The following SGCD variants were observed in gnomAD, a reference collection of about 807,000 sequenced individuals.
SGCD encodes delta-sarcoglycan.
A neutral mutation model predicts 36.6 loss-of-function variants in SGCD; 18 were observed. That is an observed-to-expected ratio of 0.49 (90% CI 0.34 to 0.73). SGCD has a LOEUF of 0.73. SGCD is among the 30% of genes least tolerant of loss of function. The pLI, the probability that SGCD is intolerant of heterozygous loss-of-function variation, is 0.01. For missense variants in SGCD, 387 were observed against 346.7 expected, an observed-to-expected ratio of 1.12 and a Z score of -0.92; for synonymous variants, 133 against 130.6, an observed-to-expected ratio of 1.02 and a Z score of -0.12.
At position 156,026,853 on chromosome 5, in the gene SGCD, A is replaced by G. The variant is rs1306672859; in HGVS notation, c.-281-91025A>G. ...CTTTTTATGAAGGGCCAAATAGTAAATATCTATTAGACATTGCCAGCTATG... is the reference window on the plus strand; with the variant it reads ...CTTTTTATGAAGGGCCAAATAGTAAGTATCTATTAGACATTGCCAGCTATG... On this transcript the variant is annotated intron_variant, in intron 1 of 9. Transcript: ENST00000517913. Among the ~76,000 whole-genome samples, 10 of 152,246 alleles carry G rather than the reference A, an allele frequency of 6.6e-5. No individual in the cohort carries two copies. The South Asian group carries it at 2.1e-3, about 32-fold the overall frequency.
intron 1 of SGCD, among the ~76,000 whole-genome samples, chr5:155,890,819 C>T (rs895411441): frequency 5.3e-5 from 8 of 152,068 alleles, no homozygotes; most frequent in South Asian, 2.1e-4. Flanking sequence ...TACGTTTTCC[C>T]GTCTTTGCAT....
intron 3 of SGCD, among the ~76,000 whole-genome samples, chr5:156,504,049 C>T (rs1756578105): frequency 6.6e-6 from 1 of 151,646 alleles, no homozygotes; most frequent in African/African-American, 2.4e-5. Context: ...ACTAAGAATG[C>T]AAAAATTAGC....
intron 6 of SGCD, among the ~76,000 whole-genome samples, chr5:156,631,475 T>C (rs1417982276): frequency 1.3e-5 from 2 of 150,926 alleles, no homozygotes; most frequent in Non-Finnish European, 3.0e-5. Flanking sequence ...TTTTTTTTTT[T>C]TAAAAAAAAG....
At chr5:155,873,759 A>G (rs1755707112) in intron 1 of SGCD, among the ~76,000 whole-genome samples, 1 of 152,160 alleles carries the variant, frequency 6.6e-6, no homozygotes, top group African/African-American at 2.4e-5. Flanking sequence ...TCAAAAAGTT[A>G]AAAAAGCATA....
rs1757514072 is a variant in SGCD at position 156,762,355 on chromosome 5, G to A, written c.*2965G>A. 1 of 152,498 alleles carries A rather than the reference G, an allele frequency of 6.6e-6. No individual in the cohort carries two copies. Among genetic ancestry groups the A allele is most frequent in the South Asian group, 2.1e-4 (1 of 4,818 alleles). 9.4% of individuals were successfully genotyped at this position (152,498 alleles called of 1,614,324 possible). A position where few individuals can be genotyped will look rare whatever the true frequency, so the allele number is the denominator to read the frequency against. ...ATATGTTCAACATTTACTTCTATTT[G>A]ATATCTGCTCAAGAAGTCATAGAAG... On this transcript the variant is annotated 3_prime_UTR_variant, in exon 9 of 9. Coordinates refer to ENST00000337851, the MANE Select transcript of SGCD (RefSeq NM_000337.6).
At chr5:155,762,888 C>G in the SGCD span, among the ~76,000 whole-genome samples, 1 of 152,064 alleles carries the variant, frequency 6.6e-6, no homozygotes, top group Non-Finnish European at 1.5e-5. Flanking sequence ...CAGGAGTACC[C>G]TGGGTAGGTT....
intron 2 of SGCD, among the ~76,000 whole-genome samples, chr5:156,329,783 C>T (rs192185637): frequency 4.6e-5 from 7 of 151,954 alleles, no homozygotes; most frequent in Admixed American, 1.3e-4. Flanking sequence ...TTTGGGAGGC[C>T]GAGGCAGGTG....
intron 3 of SGCD, among the ~76,000 whole-genome samples, chr5:156,402,788 A>C (rs2127763541): frequency 6.6e-6 from 1 of 152,260 alleles, no homozygotes; most frequent in African/African-American, 2.4e-5. Flanking sequence ...AGCTAGTTCT[A>C]CTTGGACGAG....
chr5:156,011,682 C>G (rs978574732), intron 1 of SGCD, among the ~76,000 whole-genome samples: 4 of 152,168 alleles, frequency 2.6e-5, no homozygotes, highest in Non-Finnish European at 5.9e-5. Context: ...TCGTGATCCA[C>G]CTACCTCGGC....
chr5:155,925,074 C>T (rs559098050), intron 1 of SGCD, among the ~76,000 whole-genome samples: 10 of 150,352 alleles, frequency 6.7e-5, no homozygotes, highest in African/African-American at 2.5e-4. Context: ...TGTTAATATT[C>T]TCACCTGCAT....
At chr5:155,745,295 TATA>T in the SGCD span, among the ~76,000 whole-genome samples, 2 of 152,194 alleles carry the variant, frequency 1.3e-5, no homozygotes, top group Non-Finnish European at 1.5e-5. Flanking sequence ...ACATTGTCCA[TATA>T]ATATGATATT....
At position 155,994,399 on chromosome 5, in the gene SGCD, A is replaced by G. The variant is rs149527762; in HGVS notation, c.-281-123479A>G. Among the ~76,000 whole-genome samples, 674 of 152,328 alleles carry G rather than the reference A, an allele frequency of 4.4e-3. 8 individuals are homozygous for G. The highest frequency in any genetic ancestry group is 0.015 in the African/African-American group (614 of 41,568). On this transcript the variant is annotated intron_variant, in intron 1 of 9. Transcript: ENST00000517913. Reference sequence around the variant, plus strand: ...TACACTATTATTATTGTACTGGTTAATGTCACATTTATATTTCACCTCTCC... The same window carrying G: ...TACACTATTATTATTGTACTGGTTAGTGTCACATTTATATTTCACCTCTCC...
chr5:156,328,448 T>C (rs1409080447), intron 1 of SGCD, among the ~76,000 whole-genome samples: 3 of 152,188 alleles, frequency 2.0e-5, no homozygotes, highest in African/African-American at 7.2e-5. Context: ...TTAGGGTGGA[T>C]CTCTGTGACA....
chr5:156,422,799 G>A (rs1161146069), intron 3 of SGCD, among the ~76,000 whole-genome samples: 1 of 151,960 alleles, frequency 6.6e-6, no homozygotes, highest in Non-Finnish European at 1.5e-5. Flanking sequence ...AACCAAAATT[G>A]TCTTCAGACA....
At chr5:156,606,054 A>G (rs867266052) in intron 6 of SGCD, among the ~76,000 whole-genome samples, 2 of 152,034 alleles carry the variant, frequency 1.3e-5, no homozygotes, top group East Asian at 3.9e-4. Flanking sequence ...GCTTAATTAG[A>G]TCCCATTTGT....
At chr5:156,531,252 C>A (rs954813287) in intron 4 of SGCD, among the ~76,000 whole-genome samples, 1 of 152,296 alleles carries the variant, frequency 6.6e-6, no homozygotes, top group African/African-American at 2.4e-5. Context: ...CCTCACCAGA[C>A]AACTGAACCT....
the SGCD span, among the ~76,000 whole-genome samples, chr5:155,851,975 T>C: frequency 9.6e-3 from 1,466 of 152,292 alleles, 24 homozygotes; most frequent in African/African-American, 0.034. Context: ...GCTCCTCTAG[T>C]TGTCATTTCC....
At chr5:156,670,631 G>C (rs1007586164) in intron 7 of SGCD, among the ~76,000 whole-genome samples, 1 of 152,178 alleles carries the variant, frequency 6.6e-6, no homozygotes, top group Non-Finnish European at 1.5e-5. Context: ...GTTTTTACCT[G>C]AAATAAGTTG....
intron 3 of SGCD, among the ~76,000 whole-genome samples, chr5:156,491,042 A>C (rs527950324): frequency 6.6e-6 from 1 of 152,210 alleles, no homozygotes; most frequent in East Asian, 1.9e-4. Flanking sequence ...TCTAAACACC[A>C]ATAGAAAACT....
Sources: gnomAD v4.1 joint callset for allele counts (sites outside exome capture counted in the v4.1 genomes callset) on GRCh38, gnomAD v4.1.1 for gene constraint, MANE v1.5 for transcripts, NCBI Gene and HGNC (gene_info 2026-07-23, HGNC 2026-07-21) for gene names.